The following PTPRN2 variants were observed in gnomAD, a reference collection of about 807,000 sequenced individuals.
PTPRN2 encodes protein tyrosine phosphatase receptor type N2, also known as receptor-type tyrosine-protein phosphatase N2.
PTPRN2 carries 74 observed loss-of-function variants against 118.8 expected under a neutral mutation model. That is an observed-to-expected ratio of 0.62 (90% CI 0.52 to 0.76). PTPRN2 has a LOEUF of 0.76. PTPRN2 is among the 30% of genes least tolerant of loss of function. The pLI is 0.00. For synonymous variants in PTPRN2, 641 were observed against 608.0 expected (o/e 1.05, Z -0.80); for missense variants, 1,481 against 1,394.4 (o/e 1.06, Z -0.99).
chr7:157,658,086 C>T (rs1309479128), intron 13 of PTPRN2, among the ~76,000 whole-genome samples: 2 of 152,214 alleles, frequency 1.3e-5, no homozygotes, highest in East Asian at 3.8e-4. Flanking sequence ...AAAGCATCCA[C>T]TGGATCCTCC....
chr7:158,300,017 A>G lies in PTPRN2; in HGVS notation c.277+16802T>C, dbSNP rs555231564. 7.2e-5 allele frequency among the ~76,000 whole-genome samples: 11 copies of G among 152,306 alleles called. No homozygotes were observed. In the South Asian group the frequency reaches 2.3e-3, roughly 32 times the overall value. On this transcript the variant is annotated intron_variant, in intron 3 of 22. Coordinates refer to ENST00000389418, the MANE Select transcript of PTPRN2 (RefSeq NM_002847.5). ...GGCAAAACGAGCACCATTTCCTCCCAAGAAACACATTTTTCCCACTGTCTG... is the reference window on the plus strand; with the variant it reads ...GGCAAAACGAGCACCATTTCCTCCCGAGAAACACATTTTTCCCACTGTCTG...
chr7:157,895,554 T>C (rs4716800), intron 12 of PTPRN2, among the ~76,000 whole-genome samples: 25,216 of 152,216 alleles, frequency 0.17, 2,332 homozygotes, highest in Admixed American at 0.26. Flanking sequence ...TAAATAAAAA[T>C]TTTTTTCTAA....
intron 11 of PTPRN2, among the ~76,000 whole-genome samples, chr7:157,908,211 G>T (rs1797886097): frequency 6.6e-6 from 1 of 152,140 alleles, no homozygotes. Context: ...ATGGTGCCGG[G>T]CCCGGCCTGG....
chr7:158,210,378 G>A (rs562042151), intron 3 of PTPRN2, among the ~76,000 whole-genome samples: 2 of 151,716 alleles, frequency 1.3e-5, no homozygotes, highest in East Asian at 1.9e-4. Flanking sequence ...CTCGTGATCC[G>A]CCCGCCTCGG....
At chr7:158,055,522 T>C (rs953166708) in intron 11 of PTPRN2, among the ~76,000 whole-genome samples, 1 of 152,376 alleles carries the variant, frequency 6.6e-6, no homozygotes, top group Middle Eastern at 3.4e-3. Context: ...CTCCCTGTGA[T>C]GCTGTGCTTC....
chr7:158,134,001 A>T lies in PTPRN2; in HGVS notation c.1232T>A (p.Leu411Ter), dbSNP rs1317356840. 1 of 1,613,976 alleles carries T rather than the reference A, an allele frequency of 6.2e-7. No homozygotes were observed. The highest frequency in any genetic ancestry group is 1.7e-5 in the Admixed American group (1 of 60,024). Residue 411 changes from leucine to a stop codon, truncating the protein, a stop_gained, in exon 9 of 23, where the codon TTA becomes TAA. Transcript: ENST00000389418. LOFTEE classifies it high-confidence loss of function. ...CCTTGCAAAGGGGAGGGCTCCAGGT[A>T]AGAGTCGAGACCCGTGGTCCTGCAG... ...GLLQDHGSRLLPGALPFARPL... is the reference protein window; with the variant it reads ...GLLQDHGSRL
intron 3 of PTPRN2, among the ~76,000 whole-genome samples, chr7:158,294,914 C>T (rs564346794): frequency 2.1e-5 from 3 of 143,370 alleles, no homozygotes; most frequent in South Asian, 2.2e-4. Flanking sequence ...CCAGACACTG[C>T]GCCACTTTCC....
intron 5 of PTPRN2, among the ~76,000 whole-genome samples, chr7:158,177,951 T>C (rs1365916347): frequency 6.6e-6 from 1 of 152,210 alleles, no homozygotes; most frequent in Non-Finnish European, 1.5e-5. Context: ...GTTTTCCAAA[T>C]CGTTGTTAAT....
intron 3 of PTPRN2, among the ~76,000 whole-genome samples, chr7:158,315,317 G>A (rs113978594): frequency 2.7e-4 from 27 of 99,522 alleles, no homozygotes; most frequent in African/African-American, 3.4e-4. Flanking sequence ...AGGTGAACCC[G>A]GGACCCCCTG....
intron 13 of PTPRN2, among the ~76,000 whole-genome samples, chr7:157,666,646 T>C (rs1375557924): frequency 6.6e-6 from 1 of 152,230 alleles, no homozygotes; most frequent in Non-Finnish European, 1.5e-5. Flanking sequence ...CCCGGGGCTG[T>C]GTGCCACTGG....
chr7:158,533,943 C>G (rs1825442711), intron 1 of PTPRN2, among the ~76,000 whole-genome samples: 1 of 152,232 alleles, frequency 6.6e-6, no homozygotes, highest in South Asian at 2.1e-4. Context: ...GCTGGGGATG[C>G]CTTGCCTGAA....
chr7:158,130,205 G>A (rs1323423698), intron 9 of PTPRN2, among the ~76,000 whole-genome samples: 2 of 152,210 alleles, frequency 1.3e-5, no homozygotes, highest in South Asian at 2.1e-4. Flanking sequence ...CGAGCACTGC[G>A]AGGCTCGCAG....
At chr7:157,767,766 C>T (rs889657935) in intron 12 of PTPRN2, among the ~76,000 whole-genome samples, 5 of 151,914 alleles carry the variant, frequency 3.3e-5, no homozygotes, top group African/African-American at 1.2e-4. Flanking sequence ...AACCAGTGGT[C>T]CTGGCAAGGC....
intron 2 of PTPRN2, among the ~76,000 whole-genome samples, chr7:158,464,544 T>C (rs1819249605): frequency 6.6e-6 from 1 of 150,554 alleles, no homozygotes; most frequent in Non-Finnish European, 1.5e-5. Flanking sequence ...ATCGCCATCA[T>C]TGCCATGCCA....
At chr7:158,178,744 C>A (rs1824438047) in intron 5 of PTPRN2, among the ~76,000 whole-genome samples, 2 of 151,850 alleles carry the variant, frequency 1.3e-5, no homozygotes, top group South Asian at 2.1e-4. Flanking sequence ...ACTACAGGCA[C>A]CCGCCACCAC....
chr7:157,720,268 C>T (rs925422099), intron 12 of PTPRN2, among the ~76,000 whole-genome samples: 1 of 152,186 alleles, frequency 6.6e-6, no homozygotes, highest in Non-Finnish European at 1.5e-5. Flanking sequence ...TTGGTAGCTA[C>T]CCTCGCCCCA....
At position 157,576,187 on chromosome 7, in the gene PTPRN2, T is replaced by C. The variant is rs12112407; in HGVS notation, c.2783+426A>G. ...TACAGACAGCCACGGGCTAAGTGTC[T>C]CCGGGCTTCCCTGCAAGATCACGCA... On this transcript the variant is annotated intron_variant, in intron 19 of 22. Transcript: ENST00000389418. 9.8e-3 allele frequency among the ~76,000 whole-genome samples: 1,486 copies of C among 152,282 alleles called. 17 individuals are homozygous for C. The highest frequency in any genetic ancestry group is 0.035 in the African/African-American group (1,436 of 41,550).
chr7:158,566,003 A>G (rs1431539353), intron 1 of PTPRN2, among the ~76,000 whole-genome samples: 2 of 152,128 alleles, frequency 1.3e-5, no homozygotes, highest in African/African-American at 2.4e-5. Context: ...ATTATGGATA[A>G]TTTTGATAAC....
rs372233349 is a variant in PTPRN2 at position 158,522,340 on chromosome 7, C to T, written c.113-32555G>A. Among the ~76,000 whole-genome samples the T allele has an allele frequency of 3.0e-4, 34 of 113,528 alleles. 1 individual carries two copies. The highest frequency in any genetic ancestry group is 5.2e-4 in the Admixed American group (6 of 11,484). The allele number at this position is 113,528 out of a possible 152,430, so 74.5% of individuals were successfully genotyped here. ...GGTAGTGGCTCGGGAGGGAGGTCCA[C>T]GTCACAATGGTGGACTGTCCAGGTG... On this transcript the variant is annotated intron_variant, in intron 1 of 22. Coordinates refer to ENST00000389418, the MANE Select transcript of PTPRN2 (RefSeq NM_002847.5).
Sources: gnomAD v4.1 joint callset for allele counts (sites outside exome capture counted in the v4.1 genomes callset) on GRCh38, gnomAD v4.1.1 for gene constraint, MANE v1.5 for transcripts, NCBI Gene and HGNC (gene_info 2026-07-23, HGNC 2026-07-21) for gene names.